Variants in PDLIM5 observed in about 807,000 individuals in gnomAD.
The protein encoded by PDLIM5 is PDZ and LIM domain 5.
A neutral mutation model predicts 64.2 loss-of-function variants in PDLIM5; 34 were observed. The observed-to-expected ratio is 0.53, with a 90% confidence interval of 0.40 to 0.71. The LOEUF is 0.71. Among genes scored for constraint, PDLIM5 ranks in the 30% least tolerant of loss-of-function variants. The probability of loss-of-function intolerance (pLI) is 0.00; values close to 1 mark genes in which losing one functional copy is unlikely to be tolerated. For synonymous variants in PDLIM5, 253 were observed against 269.1 expected (o/e 0.94, Z 0.59); for missense variants, 683 against 733.6 (o/e 0.93, Z 0.80).
chr4:94,661,467 A>C (rs1742707986), intron 11 of PDLIM5, among the ~76,000 whole-genome samples: 1 of 152,228 alleles, frequency 6.6e-6, no homozygotes, highest in African/African-American at 2.4e-5. Context: ...TTTTGTCAGA[A>C]GGAAATCCTG....
At chr4:94,460,476 C>T (rs1216472217) in intron 2 of PDLIM5, among the ~76,000 whole-genome samples, 1 of 152,004 alleles carries the variant, frequency 6.6e-6, no homozygotes, top group Non-Finnish European at 1.5e-5. Context: ...GACTAGCAGG[C>T]TGGGCACAGT....
At chr4:94,643,575 T>C (rs1469675466) in intron 9 of PDLIM5, among the ~76,000 whole-genome samples, 1 of 152,186 alleles carries the variant, frequency 6.6e-6, no homozygotes, top group Non-Finnish European at 1.5e-5. Context: ...TACATGGAGT[T>C]AACGGAACTA....
intron 9 of PDLIM5, among the ~76,000 whole-genome samples, chr4:94,643,578 C>T (rs372088963): frequency 5.3e-5 from 8 of 152,110 alleles, no homozygotes; most frequent in East Asian, 1.9e-4. Context: ...ATGGAGTTAA[C>T]GGAACTATTT....
chr4:94,629,294 A>G (rs1459329665), intron 8 of PDLIM5, among the ~76,000 whole-genome samples: 1 of 152,168 alleles, frequency 6.6e-6, no homozygotes, highest in Non-Finnish European at 1.5e-5. Context: ...GGTCACAGTG[A>G]GCCGAGATCG....
Position 94,640,879 on chromosome 4 carries a change from G to A in PDLIM5, c.1283+429G>A, listed in dbSNP as rs1406646265. ...AACTTTGAGCCTTAGAGAAAAAGAT[G>A]ATTGGATTTTTGAGTACACAAGCAC... is the stretch of plus-strand genomic sequence containing the variant. On this transcript the variant is annotated intron_variant, in intron 9 of 12. Coordinates refer to ENST00000317968, the MANE Select transcript of PDLIM5 (RefSeq NM_006457.5). 2.0e-5 allele frequency among the ~76,000 whole-genome samples: 3 copies of A among 152,210 alleles called. 1 individual carries two copies. Among genetic ancestry groups the A allele is most frequent in the African/African-American group, 7.2e-5 (3 of 41,458 alleles).
chr4:94,522,333 G>C (rs1429001997), intron 2 of PDLIM5, among the ~76,000 whole-genome samples: 2 of 151,988 alleles, frequency 1.3e-5, no homozygotes, highest in African/African-American at 4.8e-5. Context: ...TTTAAACTGT[G>C]ATAAAATAAA....
chr4:94,472,150 A>C (rs1481934959), intron 2 of PDLIM5, among the ~76,000 whole-genome samples: 1 of 151,540 alleles, frequency 6.6e-6, no homozygotes, highest in Non-Finnish European at 1.5e-5. Context: ...TTTTTTTAAT[A>C]CACACACACA....
intron 2 of PDLIM5, among the ~76,000 whole-genome samples, chr4:94,460,887 GATT>G (rs1260901955): frequency 6.6e-6 from 1 of 152,142 alleles, no homozygotes; most frequent in Non-Finnish European, 1.5e-5. Context: ...AGGTAGATTT[GATT>G]ATTATTAATA....
chr4:94,588,255 A>C, intron 7 of PDLIM5: 1 of 835,696 alleles, frequency 1.2e-6, no homozygotes, highest in Non-Finnish European at 1.4e-6. Flanking sequence ...TTGTGAGGTT[A>C]CTAAAATATG....
chr4:94,613,272 T>C (rs1738518676), intron 7 of PDLIM5, among the ~76,000 whole-genome samples: 1 of 152,170 alleles, frequency 6.6e-6, no homozygotes, highest in Non-Finnish European at 1.5e-5. Flanking sequence ...TGATGTACAG[T>C]TGTCTTTTAA....
intron 3 of PDLIM5, among the ~76,000 whole-genome samples, chr4:94,526,521 A>G (rs945872665): frequency 5.3e-5 from 8 of 152,192 alleles, no homozygotes; most frequent in Admixed American, 1.3e-4. Flanking sequence ...TGTGTTAGGT[A>G]ATGTCAGCCT....
intron 3 of PDLIM5, among the ~76,000 whole-genome samples, chr4:94,535,879 A>ACCCTT (rs1731282052): frequency 6.9e-6 from 1 of 144,528 alleles, no homozygotes; most frequent in East Asian, 2.0e-4. Flanking sequence ...TTTATGGACA[A>ACCCTT]CCCTTCCCCC....
chr4:94,511,052 A>G (rs1728827544), intron 2 of PDLIM5, among the ~76,000 whole-genome samples: 1 of 152,222 alleles, frequency 6.6e-6, no homozygotes, highest in Non-Finnish European at 1.5e-5. Context: ...AAAGAACCCT[A>G]GAAACATTTG....
intron 3 of PDLIM5, among the ~76,000 whole-genome samples, chr4:94,529,523 T>C (rs180808011): frequency 6.6e-6 from 1 of 152,332 alleles, no homozygotes; most frequent in African/African-American, 2.4e-5. Flanking sequence ...CCTCAATATC[T>C]TAAAATAGGA....
chr4:94,452,686 G>T (rs1300709085), intron 1 of PDLIM5, among the ~76,000 whole-genome samples: 2 of 152,166 alleles, frequency 1.3e-5, no homozygotes, highest in Middle Eastern at 3.2e-3. Flanking sequence ...AAAAGGAAGG[G>T]CGTGTGGACA....
At chr4:94,528,908 T>C (rs1242595565) in intron 3 of PDLIM5, among the ~76,000 whole-genome samples, 1 of 152,164 alleles carries the variant, frequency 6.6e-6, no homozygotes, top group Non-Finnish European at 1.5e-5. Context: ...AACTGCAGTT[T>C]CCCAGGGAAT....
chr4:94,625,735 G>A (rs751860555), intron 8 of PDLIM5, among the ~76,000 whole-genome samples: 22 of 152,152 alleles, frequency 1.4e-4, no homozygotes, highest in Non-Finnish European at 2.6e-4. Flanking sequence ...TTACAGACGT[G>A]AGCCACTGCG....
intron 2 of PDLIM5, among the ~76,000 whole-genome samples, chr4:94,507,985 C>T (rs929200507): frequency 6.6e-5 from 10 of 152,190 alleles, no homozygotes; most frequent in African/African-American, 1.9e-4. Context: ...TAACTGCTGT[C>T]AGCACCCTGC....
chr4:94,467,349 C>A (rs1370508716), intron 2 of PDLIM5, among the ~76,000 whole-genome samples: 1 of 147,706 alleles, frequency 6.8e-6, no homozygotes, highest in Non-Finnish European at 1.5e-5. Flanking sequence ...GAGTCTCGCT[C>A]TGTTGCCCAG....
Sources: allele counts gnomAD v4.1 joint callset (sites outside exome capture counted in the v4.1 genomes callset), GRCh38; gene constraint gnomAD v4.1.1; transcripts MANE v1.5; gene names NCBI Gene and HGNC (gene_info 2026-07-23, HGNC 2026-07-21).